The following TMC1 variants were observed in gnomAD, a reference collection of about 807,000 sequenced individuals.
TMC1 encodes transmembrane channel like 1, also known as transmembrane channel-like protein 1.
Under a neutral mutation model 105.8 loss-of-function variants are expected in TMC1, and 84 were observed. The observed-to-expected ratio is 0.79, with a 90% CI of 0.67 to 0.95. TMC1 has a LOEUF of 0.95. TMC1 is among the 40% of genes least tolerant of loss of function. TMC1 has a pLI of 0.00. For missense variants in TMC1, 817 were observed against 914.1 expected, an observed-to-expected ratio of 0.89 and a Z score of 1.37; for synonymous variants, 315 against 311.5, an observed-to-expected ratio of 1.01 and a Z score of -0.12.
chr9:72,699,411 G>T (rs72733028), intron 7 of TMC1, among the ~76,000 whole-genome samples: 14,473 of 152,086 alleles, frequency 0.095, 823 homozygotes, highest in Non-Finnish European at 0.14. Flanking sequence ...TTGAGAAATA[G>T]ATTTTTATTT....
At chr9:72,759,622 ACT>A (rs1302394429) in intron 12 of TMC1, among the ~76,000 whole-genome samples, 2 of 152,088 alleles carry the variant, frequency 1.3e-5, no homozygotes, top group Non-Finnish European at 2.9e-5. Flanking sequence ...TCTCTGTCTG[ACT>A]CTGAAGCCTA....
chr9:72,781,165 C>T (rs570104332), intron 13 of TMC1, among the ~76,000 whole-genome samples: 2 of 152,140 alleles, frequency 1.3e-5, no homozygotes, highest in African/African-American at 4.8e-5. Flanking sequence ...CCAAGAGGAT[C>T]TCTAAAAATC....
Position 72,791,937 on chromosome 9 carries a change from T to C in TMC1, c.1276T>C (p.Leu426=), listed in dbSNP as rs1828275619. Residue 426 remains leucine (L), a synonymous_variant, in exon 16 of 24, where the codon TTA becomes CTA. Coordinates refer to ENST00000297784, the MANE Select transcript of TMC1 (RefSeq NM_138691.3). ...GATGTTCTGTCCAACATTGTTTGAC[T>C]TATTTGCTGAATTAGAAGACTACCA... ...LGMFCPTLFD[L]FAELEDYHPL... is the part of the protein sequence containing the mutation. The C allele has an allele frequency of 4.3e-6, 7 of 1,613,706 alleles. No individual in the cohort carries two copies. The African/African-American group carries it at 6.7e-5, about 15-fold the overall frequency.
chr9:72,716,968 G>A (rs536106828), intron 8 of TMC1, among the ~76,000 whole-genome samples: 42 of 152,302 alleles, frequency 2.8e-4, no homozygotes, highest in African/African-American at 8.4e-4. Context: ...TATCTGGGCC[G>A]GTGTATGTGG....
At chr9:72,580,388 C>A (rs1201222048) in intron 2 of TMC1, among the ~76,000 whole-genome samples, 1 of 152,206 alleles carries the variant, frequency 6.6e-6, no homozygotes, top group African/African-American at 2.4e-5. Context: ...ATTACACACA[C>A]CCTTCTCATT....
chr9:72,831,618 T>G (rs1829043324), intron 23 of TMC1, among the ~76,000 whole-genome samples: 1 of 152,082 alleles, frequency 6.6e-6, no homozygotes, highest in Admixed American at 6.6e-5. Flanking sequence ...CCCCGGTATG[T>G]GATGTTCCCC....
chr9:72,537,824 G>A (rs967535063), intron 1 of TMC1, among the ~76,000 whole-genome samples: 2 of 152,138 alleles, frequency 1.3e-5, no homozygotes, highest in African/African-American at 4.8e-5. Flanking sequence ...AATGAGTTAA[G>A]CTCTGCCTGA....
intron 1 of TMC1, among the ~76,000 whole-genome samples, chr9:72,560,288 A>T (rs962900410): frequency 6.6e-6 from 1 of 152,220 alleles, no homozygotes. Flanking sequence ...CAGGTATCTG[A>T]TTGCTGAAGC....
In TMC1 at chr9:72,742,473, GA is replaced by G; in HGVS notation, c.485del (p.Asn162ThrfsTer31). 1 of 1,614,094 alleles carries G rather than the reference GA, an allele frequency of 6.2e-7. No individual in the cohort carries two copies. On this transcript the variant is annotated frameshift_variant, in exon 10 of 24. Transcript: ENST00000297784. LOFTEE classifies it high-confidence loss of function. ...GGGCAAAATTCCTCCGTGATTTTGAGAACTTCAAAGCTGCGTGTGTCCCATG... is the reference window on the plus strand; with the variant it reads ...GGGCAAAATTCCTCCGTGATTTTGAGACTTCAAAGCTGCGTGTGTCCCATG... ...KWAKFLRDFE[N>X]FKAACVPWEN... is the part of the protein sequence containing the mutation.
chr9:72,792,120 C>G (rs1428503743), intron 16 of TMC1, 55 bp downstream of exon 16: 10 of 1,613,158 alleles, frequency 6.2e-6, no homozygotes, highest in South Asian at 1.1e-5. Flanking sequence ...AATTCCCAGT[C>G]TCAAGTTTGC....
rs1414578604 is a variant in TMC1 at position 72,700,539 on chromosome 9, A to C, written c.258A>C (p.Glu86Asp). 6.3e-7 allele frequency: 1 copy of C among 1,599,732 alleles called. No homozygotes were observed. The highest frequency in any genetic ancestry group is 1.1e-5 in the South Asian group (1 of 90,116). Residue 86 changes from glutamate (E) to aspartate (D), a missense_variant, in exon 8 of 24, where the codon GAA becomes GAC. Transcript: ENST00000297784. ...KRGAEEEEID[E>D]EELERLKAEL... Reference sequence around the variant, plus strand: ...AAAGAGAAGAAGAAGAAATTGATGAAGAGGAATTGGAAAGATTGAAGGCAG... The same window carrying C: ...AAAGAGAAGAAGAAGAAATTGATGACGAGGAATTGGAAAGATTGAAGGCAG...
At position 72,836,858 on chromosome 9, in the gene TMC1, G is replaced by A. The variant is rs796962320; in HGVS notation, c.*885G>A. On this transcript the variant is annotated 3_prime_UTR_variant, in exon 24 of 24. Transcript: ENST00000297784. ...GAGGGAAGAATTCAGCTGAGGGGCA[G>A]AAGTAGGTTTATGGCAGAGGGAGAG... 3.3e-5 allele frequency: 5 copies of A among 152,352 alleles called. 1 individual carries two copies. Among genetic ancestry groups the A allele is most frequent in the South Asian group, 2.1e-4 (1 of 4,826 alleles). 9.4% of individuals were successfully genotyped at this position (152,352 alleles called of 1,614,324 possible).
chr9:72,601,373 G>A (rs893930314), intron 2 of TMC1, among the ~76,000 whole-genome samples: 10 of 151,996 alleles, frequency 6.6e-5, no homozygotes, highest in Non-Finnish European at 1.5e-4. Flanking sequence ...GCCAGGTGCG[G>A]TGGCTCATGC....
intron 12 of TMC1, among the ~76,000 whole-genome samples, chr9:72,763,085 C>CTTTTTTTT (rs148498655): frequency 9.1e-6 from 1 of 109,514 alleles, no homozygotes; most frequent in Admixed American, 9.5e-5. Context: ...CTAGCGATGC[C>CTTTTTTTT]TTTTTTTTTT....
Position 72,830,537 on chromosome 9 carries a change from A to G in TMC1, c.2208+8A>G. On this transcript the variant is annotated splice_region_variant and intron_variant, in intron 22 of 23. Coordinates refer to ENST00000297784, the MANE Select transcript of TMC1 (RefSeq NM_138691.3). ...AAAAAGAAGATGAAAATGGTATGAT[A>G]CAATTTATTTCATAGAAATATTATC... 1 of 1,611,108 alleles carries G rather than the reference A, an allele frequency of 6.2e-7. No individual in the cohort carries two copies. Among genetic ancestry groups the G allele is most frequent in the African/African-American group, 1.3e-5 (1 of 74,970 alleles).
intron 19 of TMC1, among the ~76,000 whole-genome samples, chr9:72,820,611 A>G (rs778590925): frequency 9.2e-5 from 14 of 152,222 alleles, no homozygotes; most frequent in Non-Finnish European, 1.9e-4. Context: ...CATCCTTTCT[A>G]TGAAATAATT....
At chr9:72,651,281 A>C in intron 5 of TMC1, 1 of 151,996 alleles carries the variant, frequency 6.6e-6, no homozygotes, top group African/African-American at 2.4e-5. Context: ...AGCAAGGCAA[A>C]TTTATCTGCC....
chr9:72,808,378 A>G (rs976410574), intron 18 of TMC1, among the ~76,000 whole-genome samples: 1 of 152,190 alleles, frequency 6.6e-6, no homozygotes, highest in Non-Finnish European at 1.5e-5. Flanking sequence ...AGACTCAGCT[A>G]TTATGTTACC....
At chr9:72,794,722 G>A (rs906566567) in intron 17 of TMC1, among the ~76,000 whole-genome samples, 1 of 152,156 alleles carries the variant, frequency 6.6e-6, no homozygotes, top group African/African-American at 2.4e-5. Flanking sequence ...CCAGAGTATT[G>A]TATGTCCTCC....
Sources: allele counts gnomAD v4.1 joint callset (sites outside exome capture counted in the v4.1 genomes callset), GRCh38; gene constraint gnomAD v4.1.1; transcripts MANE v1.5; gene names NCBI Gene and HGNC (gene_info 2026-07-23, HGNC 2026-07-21).